The following RYR3 variants were observed in gnomAD, a reference collection of about 807,000 sequenced individuals.
The protein encoded by RYR3 is brain ryanodine receptor-calcium release channel.
RYR3 carries 207 observed loss-of-function variants against 584.3 expected under a neutral mutation model. The ratio of observed to expected loss-of-function variants is 0.35; its 90% confidence interval spans 0.32 to 0.40. The LOEUF (loss-of-function observed/expected upper bound fraction) is 0.40, where lower values mean the gene tolerates loss of function less well. RYR3 is among the 10% of genes least tolerant of loss of function. The probability of loss-of-function intolerance (pLI) is 1.00; values close to 1 mark genes in which losing one functional copy is unlikely to be tolerated. For synonymous variants in RYR3, 2,416 were observed against 2,248.5 expected, an observed-to-expected ratio of 1.07 and a Z score of -2.11; for missense variants, 5,616 against 6,089.2, an observed-to-expected ratio of 0.92 and a Z score of 2.59.
intron 1 of RYR3, among the ~76,000 whole-genome samples, chr15:33,395,593 C>T (rs569848385): frequency 5.3e-5 from 8 of 152,298 alleles, no homozygotes; most frequent in African/African-American, 1.9e-4. Context: ...TGACAGCCTT[C>T]CCGTGACACA....
chr15:33,804,801 G>A (rs2076096366), intron 69 of RYR3, among the ~76,000 whole-genome samples: 1 of 152,126 alleles, frequency 6.6e-6, no homozygotes, highest in Admixed American at 6.6e-5. Flanking sequence ...ACCTGTACTT[G>A]CTTTTATCTC....
At position 33,843,421 on chromosome 15, in the gene RYR3, T is replaced by C. The variant is rs144711223; in HGVS notation, c.13210-67T>C. 2.4e-3 allele frequency: 2,614 copies of C among 1,087,532 alleles called. 10 individuals carry two copies. The highest frequency in any genetic ancestry group is 3.2e-3 in the Non-Finnish European group (2,358 of 728,170). 67.4% of individuals were successfully genotyped at this position (1,087,532 alleles called of 1,614,324 possible). A position where few individuals can be genotyped will look rare whatever the true frequency, so the allele number is the denominator to read the frequency against. On this transcript the variant is annotated intron_variant, in intron 91 of 103. Coordinates refer to ENST00000634891, the MANE Select transcript of RYR3 (RefSeq NM_001036.6). Reference sequence around the variant, plus strand: ...ACTTCTAACCAGAACTGACCTTCTGTGTGAAAGTAGGAAGTTCTCTTTTCC... The same window carrying C: ...ACTTCTAACCAGAACTGACCTTCTGCGTGAAAGTAGGAAGTTCTCTTTTCC...
At chr15:33,554,969 T>C (rs993770565) in intron 10 of RYR3, among the ~76,000 whole-genome samples, 1 of 152,220 alleles carries the variant, frequency 6.6e-6, no homozygotes, top group Non-Finnish European at 1.5e-5. Context: ...ATAGCCACTT[T>C]AAATGACTAC....
At chr15:33,683,749 A>C (rs1210994272) in intron 38 of RYR3, among the ~76,000 whole-genome samples, 6 of 152,254 alleles carry the variant, frequency 3.9e-5, no homozygotes, top group Admixed American at 6.5e-5. Context: ...GCCGTGACAG[A>C]CTGTACCTGG....
chr15:33,637,961 T>C (rs552783927), intron 27 of RYR3, among the ~76,000 whole-genome samples: 14 of 151,902 alleles, frequency 9.2e-5, no homozygotes, highest in Admixed American at 2.6e-4. Flanking sequence ...GCTCCCCCCA[T>C]CCCACAACAG....
intron 64 of RYR3, among the ~76,000 whole-genome samples, chr15:33,777,561 A>C (rs919736746): frequency 6.6e-6 from 1 of 151,998 alleles, no homozygotes; most frequent in African/African-American, 2.4e-5. Flanking sequence ...CTTAGCACCA[A>C]TGTGCACCCC....
chr15:33,357,120 A>T (rs1974094818), intron 1 of RYR3, among the ~76,000 whole-genome samples: 1 of 152,118 alleles, frequency 6.6e-6, no homozygotes, highest in East Asian at 1.9e-4. Flanking sequence ...GGTCCTGGAC[A>T]TATGTGGTGT....
At chr15:33,758,605 T>C (rs575587115) in intron 60 of RYR3, among the ~76,000 whole-genome samples, 8 of 152,280 alleles carry the variant, frequency 5.3e-5, no homozygotes, top group Non-Finnish European at 1.0e-4. Flanking sequence ...ATTCCTCCTC[T>C]CTGGGCAGGC....
chr15:33,702,778 T>C (rs1410396446), intron 42 of RYR3, among the ~76,000 whole-genome samples: 2 of 151,796 alleles, frequency 1.3e-5, no homozygotes, highest in Admixed American at 6.6e-5. Flanking sequence ...CACCAGCATA[T>C]TTAAGGGAGT....
At chr15:33,830,868 G>C (rs1052643873) in intron 85 of RYR3, 95 bp from the exon 86 acceptor site, 12 of 1,310,052 alleles carry the variant, frequency 9.2e-6, no homozygotes, top group Admixed American at 2.3e-5. Context: ...AGAGGTCATA[G>C]AGATGCAGGA....
Position 33,864,199 on chromosome 15 carries a change from T to G in RYR3, c.14517+10T>G, listed in dbSNP as rs747027701. The G allele has an allele frequency of 1.2e-6, 2 of 1,603,220 alleles. No homozygotes were observed. Among genetic ancestry groups the G allele is most frequent in the Non-Finnish European group, 1.7e-6 (2 of 1,172,586 alleles). ...AGAGCACACGGGTCAGGTGAGAAATTAAGAATCATATACCCGTGTTAGATC... is the reference window on the plus strand; with the variant it reads ...AGAGCACACGGGTCAGGTGAGAAATGAAGAATCATATACCCGTGTTAGATC... On this transcript the variant is annotated intron_variant, in intron 103 of 103. Transcript: ENST00000634891.
chr15:33,342,875 C>T (rs902686633), intron 1 of RYR3, among the ~76,000 whole-genome samples: 13 of 152,116 alleles, frequency 8.5e-5, no homozygotes, highest in Admixed American at 8.5e-4. Flanking sequence ...TAGATCCTTC[C>T]CAGTGTTGGA....
intron 1 of RYR3, among the ~76,000 whole-genome samples, chr15:33,416,641 G>A (rs559480688): frequency 2.0e-5 from 3 of 152,108 alleles, no homozygotes; most frequent in Non-Finnish European, 4.4e-5. Context: ...CTGTAGGTTC[G>A]TTGTTTACTC....
chr15:33,336,304 T>G (rs1970954852), intron 1 of RYR3, among the ~76,000 whole-genome samples: 1 of 151,418 alleles, frequency 6.6e-6, no homozygotes, highest in Admixed American at 6.6e-5. Context: ...TGGTGGCACA[T>G]GCTTGTAATC....
At chr15:33,486,563 A>G (rs561572808) in intron 2 of RYR3, among the ~76,000 whole-genome samples, 4 of 152,188 alleles carry the variant, frequency 2.6e-5, no homozygotes, top group African/African-American at 9.7e-5. Flanking sequence ...AAAACCATAT[A>G]TCAGTATGAA....
Position 33,735,259 on chromosome 15 carries a change from A to C in RYR3, c.7425-976A>C, listed in dbSNP as rs559181460. On this transcript the variant is annotated intron_variant, in intron 48 of 103. Transcript: ENST00000634891. ...ATTGAGTGATTTTTGCATTCTAACTATTGGATTCTGAGACAAGGCTACTTA... is the reference window on the plus strand; with the variant it reads ...ATTGAGTGATTTTTGCATTCTAACTCTTGGATTCTGAGACAAGGCTACTTA... Among the ~76,000 whole-genome samples, 3 of 152,320 alleles carry C rather than the reference A, an allele frequency of 2.0e-5. No individual in the cohort carries two copies. In the East Asian group the frequency reaches 5.8e-4, roughly 29 times the overall value.
chr15:33,757,260 A>G (rs1257070675), intron 59 of RYR3, among the ~76,000 whole-genome samples: 1 of 152,158 alleles, frequency 6.6e-6, no homozygotes, highest in Non-Finnish European at 1.5e-5. Flanking sequence ...CCCTTAGTCC[A>G]TGGCTGTCTC....
chr15:33,669,374 T>C lies in RYR3; in HGVS notation c.5640T>C (p.Phe1880=). ...PQEQINMLLN[F]QLGENCPCPE... is the part of the protein sequence containing the mutation. ...CAAAGATCAACATGCTGCTTAACTT[T>C]CAACTGGGAGAGAACTGCCCCTGCC... Residue 1880 remains phenylalanine (F), a synonymous_variant, in exon 37 of 104, where the codon TTT becomes TTC. Transcript: ENST00000634891. The C allele has an allele frequency of 6.2e-7, 1 of 1,613,974 alleles. No homozygotes were observed. Among genetic ancestry groups the C allele is most frequent in the South Asian group, 1.1e-5 (1 of 91,068 alleles).
chr15:33,333,044 C>A (rs1970542467), intron 1 of RYR3, among the ~76,000 whole-genome samples: 1 of 40,838 alleles, frequency 2.4e-5, no homozygotes. Flanking sequence ...GAAACTGAGG[C>A]AATAATAAAT....
Sources: gnomAD v4.1 joint callset for allele counts (sites outside exome capture counted in the v4.1 genomes callset) on GRCh38, gnomAD v4.1.1 for gene constraint, MANE v1.5 for transcripts, NCBI Gene and HGNC (gene_info 2026-07-23, HGNC 2026-07-21) for gene names.